BOP1: variants seen among roughly 807,000 people sequenced by gnomAD.
BOP1 encodes the protein ribosome biogenesis protein BOP1.
A neutral mutation model predicts 82.9 loss-of-function variants in BOP1; 54 were observed. The observed-to-expected ratio is 0.65, with a 90% CI of 0.52 to 0.82. The LOEUF is 0.82. Among genes scored for constraint, BOP1 ranks in the 40% least tolerant of loss-of-function variants. The pLI is 0.00. For missense variants in BOP1, 1,170 were observed against 1,072.0 expected (o/e 1.09, Z -1.28); for synonymous variants, 566 against 451.1 (o/e 1.25, Z -3.23).
In BOP1 at chr8:144,263,541, C is replaced by T; in HGVS notation, c.1361G>A (p.Gly454Glu). ...CCAGGCCACACTCTTCACCACGCCC[C>T]CCACGGGAACAGTCCTCACACAGCG... is the stretch of plus-strand genomic sequence containing the variant. The part of the protein sequence containing the change: ...TARCVRTVPV[G>E]GVVKSVAWNP... The change falls in exon 11 of 16, where the codon GGG (glycine) becomes GAG (glutamate). Residue 454 changes from glycine to glutamate, a missense_variant. Physicochemically the swap from Gly to Glu is moderately conservative, Grantham distance 98. Transcript: ENST00000569669. 1 of 1,600,642 alleles carries T rather than the reference C, an allele frequency of 6.2e-7. No homozygotes were observed. The highest frequency in any genetic ancestry group is 1.1e-5 in the South Asian group (1 of 91,036).
In BOP1 at chr8:144,291,367, C is replaced by G; in HGVS notation, c.4G>C (p.Ala2Pro). The change falls in exon 1 of 16, where the codon GCG becomes CCG. Residue 2 changes from alanine to proline, a missense_variant. Coordinates refer to ENST00000569669, the MANE Select transcript of BOP1 (RefSeq NM_015201.5). This position sits in a 1 kb window ranked among gnomAD's most constrained non-coding sequence, Gnocchi z 4.1. Reference sequence around the variant, plus strand: ...GTGCGCCCCGCACCCCGCGAACCCGCCATGCCCCACCGCGCGCCGGCCGCC... The same window carrying G: ...GTGCGCCCCGCACCCCGCGAACCCGGCATGCCCCACCGCGCGCCGGCCGCC... M[A>P]GSRGAGRTAA... 8.1e-7 allele frequency: 1 copy of G among 1,230,406 alleles called. No homozygotes were observed. The highest frequency in any genetic ancestry group is 1.0e-6 in the Non-Finnish European group (1 of 989,316). The allele number at this position is 1,230,406 out of a possible 1,614,324, so 76.2% of individuals were successfully genotyped here.
At position 144,265,008 on chromosome 8, in the gene BOP1, A is replaced by G; in HGVS notation, c.454T>C (p.Tyr152His). 6.2e-7 allele frequency: 1 copy of G among 1,612,344 alleles called. No homozygotes were observed. Among genetic ancestry groups the G allele is most frequent in the Non-Finnish European group, 8.5e-7 (1 of 1,179,740 alleles). ...TAGATGCGCCTGCCATCCAGGTCGT[A>G]GCCCACGTGGGGGAAGTCATCGTAC... ...EWYDDFPHVG[Y>H]DLDGRRIYKP... The change falls in exon 4 of 16, where the codon TAC (tyrosine) becomes CAC (histidine). Residue 152 changes from tyrosine to histidine, a missense_variant. Transcript: ENST00000569669.
intron 2 of BOP1, among the ~76,000 whole-genome samples, chr8:144,284,573 T>C (rs1384296312): frequency 2.0e-5 from 3 of 152,164 alleles, no homozygotes; most frequent in Non-Finnish European, 4.4e-5. Context: ...TCAAAAACTC[T>C]GTGCGAGTTT....
intron 3 of BOP1, 61 bp from the exon 4 acceptor site, chr8:144,265,132 C>A: frequency 1.3e-6 from 2 of 1,569,158 alleles, no homozygotes; most frequent in Middle Eastern, 2.3e-4. Context: ...CGCTTCGGGC[C>A]GCCCAGGGGA....
intron 2 of BOP1, among the ~76,000 whole-genome samples, chr8:144,286,264 T>C (rs1554839453): frequency 6.6e-6 from 1 of 152,246 alleles, no homozygotes; most frequent in African/African-American, 2.4e-5. Context: ...ACTTTAGAAC[T>C]GAAAACACCC....
chr8:144,264,029 G>A lies in BOP1; in HGVS notation c.1092C>T (p.Phe364=), dbSNP rs1475745873. 68 of 1,609,156 alleles carry A rather than the reference G, an allele frequency of 4.2e-5. No individual in the cohort carries two copies. The highest frequency in any genetic ancestry group is 6.7e-5 in the Admixed American group (4 of 59,970). ...PAYGRFIQER[F]ERCLDLYLCP... ...ACAGGTACAGGTCAAGGCAGCGCTC[G>A]AAGCGTTCCTGGATGAAGCGTCCGT... Residue 364 remains phenylalanine (F), a synonymous_variant, in exon 8 of 16, where the codon TTC becomes TTT. Transcript: ENST00000569669.
chr8:144,262,750 T>A, intron 13 of BOP1, 78 bp from the exon 14 acceptor site: 1 of 1,449,964 alleles, frequency 6.9e-7, no homozygotes, highest in Non-Finnish European at 9.3e-7. Context: ...CCTACACCCC[T>A]CACCTGCAGG....
chr8:144,279,978 T>A (rs952639784), intron 2 of BOP1, among the ~76,000 whole-genome samples: 1 of 152,168 alleles, frequency 6.6e-6, no homozygotes, highest in Non-Finnish European at 1.5e-5. Context: ...CTTCCTCAGG[T>A]GGAATGTACC....
Position 144,264,390 on chromosome 8 carries a change from G to T in BOP1, c.813C>A (p.Arg271=), listed in dbSNP as rs1811622631. ...HAIKMGWIQP[R]RPRDPTPSFY... ...AGCTGGGGGTGGGGTCTCGGGGCCG[G>T]CGAGGCTGGATCCAGCCCATCTTGA... is the stretch of plus-strand genomic sequence containing the variant. Residue 271 remains arginine, a synonymous_variant, in exon 7 of 16, where the codon CGC becomes CGA. Transcript: ENST00000569669. The T allele has an allele frequency of 6.2e-7, 1 of 1,602,544 alleles. No homozygotes were observed. Among genetic ancestry groups the T allele is most frequent in the South Asian group, 1.1e-5 (1 of 91,068 alleles).
At chr8:144,276,077 C>A (rs1845563827) in intron 3 of BOP1, 147 bp downstream of exon 3, 1 of 882,726 alleles carries the variant, frequency 1.1e-6, no homozygotes, top group Non-Finnish European at 1.8e-6. Context: ...AAGCAGGACG[C>A]CCACGTGGGC....
chr8:144,264,202 C>G (rs894677788), intron 7 of BOP1, 23 bp downstream of exon 7: 1 of 1,607,014 alleles, frequency 6.2e-7, no homozygotes, highest in Non-Finnish European at 8.5e-7. Context: ...GACAGGGTCC[C>G]GGCCCCCAGG....
intron 3 of BOP1, among the ~76,000 whole-genome samples, chr8:144,271,863 GCT>G (rs1845497887): frequency 1.3e-5 from 2 of 152,166 alleles, no homozygotes; most frequent in African/African-American, 2.4e-5. Context: ...TGGGCACACA[GCT>G]CGGCCTTCTC....
intron 3 of BOP1, 66 bp downstream of exon 3, chr8:144,276,158 C>T: frequency 6.3e-7 from 1 of 1,588,580 alleles, no homozygotes; most frequent in Non-Finnish European, 8.6e-7. Flanking sequence ...CCCCAACCCC[C>T]AGCACCTGCT....
At position 144,288,678 on chromosome 8, in the gene BOP1, G is replaced by A. The variant is rs577175535; in HGVS notation, c.309+417C>T. Among the ~76,000 whole-genome samples, 4 of 152,308 alleles carry A rather than the reference G, an allele frequency of 2.6e-5. No homozygotes were observed. The South Asian group carries it at 8.3e-4, about 32-fold the overall frequency. ...AAACCCTCTACCCGTCGGCTGCTCA[G>A]GCCCCTGAAGCCCTGTGGGGTCAGG... On this transcript the variant is annotated intron_variant, in intron 2 of 15. Transcript: ENST00000569669.
chr8:144,266,510 G>A (rs1285370243), intron 3 of BOP1: 7 of 988,298 alleles, frequency 7.1e-6, no homozygotes, highest in Non-Finnish European at 8.4e-6. Context: ...GGGCGCAGCC[G>A]AGACCCCGCG....
At chr8:144,266,465 AC>A in intron 3 of BOP1, 1 of 976,602 alleles carries the variant, frequency 1.0e-6, no homozygotes, top group Non-Finnish European at 1.2e-6. Flanking sequence ...CCCGGGACGC[AC>A]ATGTGCGCGC....
Position 144,263,319 on chromosome 8 carries a change from C to T in BOP1, c.1507G>A (p.Val503Ile), listed in dbSNP as rs962856713. The change falls in exon 12 of 16, where the codon GTC (valine) becomes ATC (isoleucine). Residue 503 changes from valine (V) to isoleucine (I), a missense_variant. By Grantham distance (29) the Val-to-Ile change is conservative (BLOSUM62 3). Coordinates refer to ENST00000569669, the MANE Select transcript of BOP1 (RefSeq NM_015201.5). ...GSTDQLLSAF[V>I]PPEEPPLQPA... is the part of the protein sequence containing the mutation. ...TGCAAGGGGGGCTCCTCAGGCGGGACGAAGGCGCTCAACAGCTGATCTGTG... is the reference window on the plus strand; with the variant it reads ...TGCAAGGGGGGCTCCTCAGGCGGGATGAAGGCGCTCAACAGCTGATCTGTG... The T allele has an allele frequency of 2.8e-4, 451 of 1,594,012 alleles. No homozygotes were observed. In the East Asian group the frequency reaches 3.5e-3, roughly 12 times the overall value.
At position 144,265,056 on chromosome 8, in the gene BOP1, C is replaced by T; in HGVS notation, c.406G>A (p.Val136Met). 6.2e-7 allele frequency: 1 copy of T among 1,610,952 alleles called. No individual in the cohort carries two copies. The highest frequency in any genetic ancestry group is 8.5e-7 in the Non-Finnish European group (1 of 1,178,962). The change falls in exon 4 of 16, where the codon GTG (valine) becomes ATG (methionine). Residue 136 changes from valine (V) to methionine (M), a missense_variant. Transcript: ENST00000569669. ...TACCACTCCAAGGGCACGTTGCCCA[C>T]CGTGTTCCGGATGTCCTGCAGCCGG... ...SSDEEDIRNT[V>M]GNVPLEWYDD... is the part of the protein sequence containing the mutation.
At chr8:144,265,279 G>A (rs2130202069) in intron 3 of BOP1, 1 of 624,330 alleles carries the variant, frequency 1.6e-6, no homozygotes, top group East Asian at 2.8e-5. Flanking sequence ...CCCGCCCTCG[G>A]AGGCGCCGGA....
Sources: allele counts gnomAD v4.1 joint callset (sites outside exome capture counted in the v4.1 genomes callset), GRCh38; gene constraint gnomAD v4.1.1; non-coding constraint Gnocchi (gnomAD v3.1); transcripts MANE v1.5; gene names NCBI Gene and HGNC (gene_info 2026-07-23, HGNC 2026-07-21).